The following SNX25 variants were observed in gnomAD, a reference collection of about 807,000 sequenced individuals.
SNX25 encodes the protein sorting nexin-25.
A neutral mutation model predicts 113.7 loss-of-function variants in SNX25; 62 were observed. That is an observed-to-expected ratio of 0.55 (90% CI 0.44 to 0.67). The LOEUF (loss-of-function observed/expected upper bound fraction) is 0.67, where lower values mean the gene tolerates loss of function less well. Among genes scored for constraint, SNX25 ranks in the 30% least tolerant of loss-of-function variants. The pLI is 0.00. For synonymous variants in SNX25, 421 were observed against 436.2 expected (o/e 0.97, Z 0.43); for missense variants, 1,014 against 1,161.0 (o/e 0.87, Z 1.84).
At chr4:185,370,804 A>C (rs199573933), downstream of SNX25, 2 of 1,614,130 alleles carry the variant, frequency 1.2e-6, no homozygotes, top group Admixed American at 1.7e-5. Context: ...ACCTCATCAT[A>C]GTCAGCGATC....
At chr4:185,344,189 C>G (rs952323764) in intron 12 of SNX25, among the ~76,000 whole-genome samples, 2 of 152,138 alleles carry the variant, frequency 1.3e-5, no homozygotes, top group Non-Finnish European at 2.9e-5. Context: ...TCACTCCACT[C>G]CAGCCTTGGC....
intron 1 of SNX25, among the ~76,000 whole-genome samples, chr4:185,224,604 AAT>A (rs1740676753): frequency 6.9e-6 from 1 of 145,472 alleles, no homozygotes; most frequent in Admixed American, 7.0e-5. Flanking sequence ...TAAATATGTA[AAT>A]ATATAGATAT....
downstream of SNX25, among the ~76,000 whole-genome samples, chr4:185,371,493 G>T (rs1027154388): frequency 7.3e-6 from 1 of 137,888 alleles, no homozygotes; most frequent in African/African-American, 2.7e-5. Context: ...AGTGAGCCGA[G>T]ATCGCACCAC....
chr4:185,239,243 A>G (rs1307578856), intron 1 of SNX25, among the ~76,000 whole-genome samples: 1 of 126,690 alleles, frequency 7.9e-6, no homozygotes, highest in African/African-American at 3.0e-5. Context: ...GCACTTTGGG[A>G]GGCCAAGGCG....
At chr4:185,263,057 C>A (rs1344802098) in intron 3 of SNX25, among the ~76,000 whole-genome samples, 3 of 152,208 alleles carry the variant, frequency 2.0e-5, no homozygotes, top group Non-Finnish European at 2.9e-5. Context: ...AGCCCTCTGG[C>A]CTTTGGCTCA....
intron 1 of SNX25, among the ~76,000 whole-genome samples, chr4:185,212,491 G>GTGTGTTTGTTT (rs546083196): frequency 5.5e-4 from 58 of 104,938 alleles, no homozygotes; most frequent in African/African-American, 1.4e-3. Context: ...GTGTGTGTGT[G>GTGTGTTTGTTT]TTTTTTTTTT....
chr4:185,283,418 G>A (rs918117137), intron 5 of SNX25, among the ~76,000 whole-genome samples: 1 of 152,158 alleles, frequency 6.6e-6, no homozygotes, highest in Non-Finnish European at 1.5e-5. Flanking sequence ...TACTGTTAAG[G>A]AGAAGGAGAA....
chr4:185,313,236 C>T (rs1024787950), intron 7 of SNX25, among the ~76,000 whole-genome samples: 2 of 152,072 alleles, frequency 1.3e-5, no homozygotes, highest in African/African-American at 4.8e-5. Flanking sequence ...AAAAGACATG[C>T]GAATACTAAG....
At chr4:185,222,376 TC>T (rs1740088944) in intron 1 of SNX25, among the ~76,000 whole-genome samples, 1 of 151,936 alleles carries the variant, frequency 6.6e-6, no homozygotes, top group Admixed American at 6.5e-5. Context: ...CATATACCCC[TC>T]CCTCACGGTA....
intron 12 of SNX25, among the ~76,000 whole-genome samples, chr4:185,343,446 A>G (rs962209028): frequency 1.3e-5 from 2 of 152,206 alleles, no homozygotes; most frequent in African/African-American, 4.8e-5. Context: ...TATGGATTGC[A>G]ATGTAGCATG....
chr4:185,374,312 G>A (rs1383610077), downstream of SNX25: 1 of 1,613,812 alleles, frequency 6.2e-7, no homozygotes, highest in Non-Finnish European at 8.5e-7. Flanking sequence ...TTCTCAGGTA[G>A]GATTACCTTT....
chr4:185,266,481 C>T (rs1322740410), intron 4 of SNX25, among the ~76,000 whole-genome samples: 1 of 152,164 alleles, frequency 6.6e-6, no homozygotes, highest in East Asian at 1.9e-4. Context: ...CTGCCTCAGT[C>T]TCCCGAGTAG....
At chr4:185,303,354 C>G (rs1243494329) in intron 6 of SNX25, among the ~76,000 whole-genome samples, 1 of 152,080 alleles carries the variant, frequency 6.6e-6, no homozygotes, top group East Asian at 1.9e-4. Flanking sequence ...CTAGGAGTTC[C>G]AGCACCAAGA....
intron 6 of SNX25, among the ~76,000 whole-genome samples, chr4:185,291,559 G>A (rs1752171956): frequency 6.6e-6 from 1 of 152,186 alleles, no homozygotes; most frequent in African/African-American, 2.4e-5. Flanking sequence ...CACAGTTTTG[G>A]AGGCAAGAAG....
chr4:185,319,608 C>A (rs2095104373), intron 7 of SNX25, among the ~76,000 whole-genome samples: 1 of 151,858 alleles, frequency 6.6e-6, no homozygotes, highest in Non-Finnish European at 1.5e-5. Flanking sequence ...TTCTGTGACT[C>A]CTTGTTTATT....
intron 9 of SNX25, among the ~76,000 whole-genome samples, chr4:185,324,736 G>A (rs1486204528): frequency 6.6e-6 from 1 of 152,142 alleles, no homozygotes; most frequent in East Asian, 1.9e-4. Context: ...TGATCAAGGG[G>A]ATCTTTAGAA....
At chr4:185,340,682 T>C (rs1319109468) in intron 11 of SNX25, among the ~76,000 whole-genome samples, 1 of 152,136 alleles carries the variant, frequency 6.6e-6, no homozygotes, top group African/African-American at 2.4e-5. Flanking sequence ...TGCTTAGAGC[T>C]GGCCCTGACA....
chr4:185,377,468 A>C, the SNX25 span: 1 of 170,744 alleles, frequency 5.9e-6, no homozygotes, highest in Non-Finnish European at 1.3e-5. Context: ...CGGTGAGCCA[A>C]GATTGCATCA....
intron 1 of SNX25, among the ~76,000 whole-genome samples, chr4:185,211,459 T>C (rs903138718): frequency 2.0e-5 from 3 of 152,054 alleles, no homozygotes; most frequent in African/African-American, 4.8e-5. Context: ...GGAGCAGATA[T>C]GTCTCTCCTC....
Sources: allele counts gnomAD v4.1 joint callset (sites outside exome capture counted in the v4.1 genomes callset), GRCh38; gene constraint gnomAD v4.1.1; transcripts MANE v1.5; gene names NCBI Gene and HGNC (gene_info 2026-07-23, HGNC 2026-07-21).